The following SND1 variants were observed in gnomAD, a reference collection of about 807,000 sequenced individuals.
SND1 encodes staphylococcal nuclease and tudor domain containing 1.
Under a neutral mutation model 121.7 loss-of-function variants are expected in SND1, and 38 were observed. The observed-to-expected ratio is 0.31, with a 90% CI of 0.24 to 0.41. The LOEUF (loss-of-function observed/expected upper bound fraction) is 0.41, where lower values mean the gene tolerates loss of function less well. Ranked by LOEUF, SND1 falls within the 10% of genes least tolerant of loss-of-function variation. The probability of loss-of-function intolerance (pLI) is 1.00; values close to 1 mark genes in which losing one functional copy is unlikely to be tolerated. For synonymous variants in SND1, 401 were observed against 447.4 expected (o/e 0.90, Z 1.31); for missense variants, 868 against 1,184.6 (o/e 0.73, Z 3.92).
chr7:127,798,359 G>A (rs1482434891), intron 10 of SND1, among the ~76,000 whole-genome samples: 1 of 152,184 alleles, frequency 6.6e-6, no homozygotes, highest in Non-Finnish European at 1.5e-5. Flanking sequence ...GCTTGGGCAG[G>A]AAAGGAGACA....
chr7:128,085,884 C>A lies in SND1; in HGVS notation c.2304+104C>A, dbSNP rs1793679265. ...GGTCCCTCTGAGCTTACCAATAGAA[C>A]AATGAGCATTGGGGCATCTCTGCTG... On this transcript the variant is annotated intron_variant, in intron 20 of 23. Transcript: ENST00000354725. The surrounding 1 kb of genome is among the most constrained non-coding windows in gnomAD (Gnocchi z 4.4). The A allele has an allele frequency of 4.0e-6, 4 of 989,250 alleles. No homozygotes were observed. Among genetic ancestry groups the A allele is most frequent in the South Asian group, 1.4e-5 (1 of 71,934 alleles). The allele number at this position is 989,250 out of a possible 1,614,324, so 61.3% of individuals were successfully genotyped here.
At chr7:128,086,682 T>C (rs977231810) in intron 20 of SND1, 2 of 565,544 alleles carry the variant, frequency 3.5e-6, no homozygotes, top group Non-Finnish European at 6.4e-6. Context: ...CTGCGATTGT[T>C]TTCATGGGAA....
intron 12 of SND1, chr7:127,858,478 C>A: frequency 1.7e-6 from 1 of 599,584 alleles, no homozygotes; most frequent in Non-Finnish European, 3.0e-6. Context: ...GGCGTGGGGT[C>A]TCATTTCTAG....
intron 11 of SND1, among the ~76,000 whole-genome samples, chr7:127,842,200 A>G (rs1187323097): frequency 6.6e-6 from 1 of 152,176 alleles, no homozygotes; most frequent in African/African-American, 2.4e-5. Flanking sequence ...TAAGCTGATC[A>G]GTGAGAGCTG....
At chr7:127,689,394 C>T (rs1795873573) in intron 2 of SND1, among the ~76,000 whole-genome samples, 1 of 152,284 alleles carries the variant, frequency 6.6e-6, no homozygotes, top group Admixed American at 6.5e-5. Flanking sequence ...AGTGTTGACC[C>T]TTCTTGGAGC....
At chr7:127,675,878 A>G (rs1795606862) in intron 1 of SND1, among the ~76,000 whole-genome samples, 1 of 152,194 alleles carries the variant, frequency 6.6e-6, no homozygotes, top group Non-Finnish European at 1.5e-5. Flanking sequence ...TTCTGCATAA[A>G]TAAGCCTTGA....
intron 10 of SND1, among the ~76,000 whole-genome samples, chr7:127,789,973 C>A (rs1368808886): frequency 1.3e-5 from 2 of 152,176 alleles, no homozygotes; most frequent in Non-Finnish European, 2.9e-5. Context: ...AACCTCCTAT[C>A]TTTAGAAGTA....
chr7:127,896,498 A>G (rs964497952), intron 13 of SND1, among the ~76,000 whole-genome samples: 1 of 152,124 alleles, frequency 6.6e-6, no homozygotes, highest in Non-Finnish European at 1.5e-5. Context: ...TGCCCCCTGC[A>G]GTCTAACACA....
intron 12 of SND1, among the ~76,000 whole-genome samples, chr7:127,877,565 G>A (rs1027626497): frequency 6.6e-6 from 1 of 151,910 alleles, no homozygotes; most frequent in African/African-American, 2.4e-5. Flanking sequence ...TTTTGGCTAG[G>A]GGATTATGAA....
At chr7:127,775,569 T>C (rs936458594) in intron 10 of SND1, among the ~76,000 whole-genome samples, 50 of 152,146 alleles carry the variant, frequency 3.3e-4, no homozygotes, top group African/African-American at 4.8e-5. Context: ...GTACAACGTT[T>C]CGTTTCATAC....
At position 128,081,467 on chromosome 7, in the gene SND1, T is replaced by C. The variant is rs368567645; in HGVS notation, c.2076T>C (p.Asp692=). 6.2e-7 allele frequency: 1 copy of C among 1,614,018 alleles called. No homozygotes were observed. Among genetic ancestry groups the C allele is most frequent in the Non-Finnish European group, 8.5e-7 (1 of 1,180,008 alleles). Residue 692 remains aspartate, a synonymous_variant, in exon 18 of 24, where the codon GAT becomes GAC. Coordinates refer to ENST00000354725, the MANE Select transcript of SND1 (RefSeq NM_014390.4). ...YKPVFVTEIT[D]DLHFYVQDVE... ...CCGTGTTTGTGACTGAGATCACTGA[T>C]GACCTGCACTTCTACGTGCAGGATG... is the stretch of plus-strand genomic sequence containing the variant.
At chr7:127,741,145 T>TGCCA in intron 10 of SND1, among the ~76,000 whole-genome samples, 1 of 152,160 alleles carries the variant, frequency 6.6e-6, no homozygotes, top group Non-Finnish European at 1.5e-5. Flanking sequence ...GTGCCAGTAG[T>TGCCA]TTCCTTAAGA....
At chr7:128,091,389 T>TG (rs537764165) in intron 22 of SND1, among the ~76,000 whole-genome samples, 1 of 118,874 alleles carries the variant, frequency 8.4e-6, no homozygotes, top group Non-Finnish European at 1.9e-5. Flanking sequence ...GCCTGGCTAA[T>TG]TTTTTTTTTT....
chr7:127,696,426 G>A (rs1207484970), intron 3 of SND1, among the ~76,000 whole-genome samples: 17 of 152,242 alleles, frequency 1.1e-4, no homozygotes, highest in South Asian at 8.3e-4. Flanking sequence ...CTTTTTACCC[G>A]TAATTCTTAT....
intron 16 of SND1, chr7:127,997,763 A>G (rs17151639): frequency 0.24 from 127,085 of 534,584 alleles, 17,633 homozygotes; most frequent in African/African-American, 0.42. Context: ...CTGGCAGTTC[A>G]CCATATATAC....
At chr7:127,706,591 C>T (rs931493934) in intron 8 of SND1, among the ~76,000 whole-genome samples, 1 of 151,986 alleles carries the variant, frequency 6.6e-6, no homozygotes, top group Non-Finnish European at 1.5e-5. Flanking sequence ...AAAGTGAATG[C>T]AATGAAAATA....
At chr7:127,969,828 T>C (rs1801942270) in intron 15 of SND1, among the ~76,000 whole-genome samples, 1 of 152,224 alleles carries the variant, frequency 6.6e-6, no homozygotes, top group Non-Finnish European at 1.5e-5. Flanking sequence ...ATGTGAATTT[T>C]AGAATCACAG....
intron 10 of SND1, among the ~76,000 whole-genome samples, chr7:127,786,887 C>CTG (rs2116531891): frequency 6.6e-6 from 1 of 152,306 alleles, no homozygotes; most frequent in Admixed American, 6.5e-5. Context: ...CGTGATCCGC[C>CTG]CATCTCGGCC....
At chr7:128,024,807 G>A (rs1325011659) in intron 16 of SND1, among the ~76,000 whole-genome samples, 1 of 152,190 alleles carries the variant, frequency 6.6e-6, no homozygotes, top group Non-Finnish European at 1.5e-5. Context: ...TAAAGAGTTA[G>A]AGCTGGGGTA....
Sources: allele counts gnomAD v4.1 joint callset (sites outside exome capture counted in the v4.1 genomes callset), GRCh38; gene constraint gnomAD v4.1.1; non-coding constraint Gnocchi (gnomAD v3.1); transcripts MANE v1.5; gene names NCBI Gene and HGNC (gene_info 2026-07-23, HGNC 2026-07-21).